PROX1: variants seen among roughly 807,000 people sequenced by gnomAD.
PROX1 encodes prospero homeobox 1, also known as prospero homeobox protein 1.
Under a neutral mutation model 58.8 loss-of-function variants are expected in PROX1, and 7 were observed. That is an observed-to-expected ratio of 0.12 (90% CI 0.07 to 0.22). The LOEUF is 0.22. Ranked by LOEUF, PROX1 falls within the 10% of genes least tolerant of loss-of-function variation. The pLI, the probability that PROX1 is intolerant of heterozygous loss-of-function variation, is 1.00. For synonymous variants in PROX1, 350 were observed against 358.3 expected (o/e 0.98, Z 0.26); for missense variants, 675 against 927.8 (o/e 0.73, Z 3.54).
At chr1:213,985,602 C>T (rs1483856596), upstream of PROX1, 2 of 152,268 alleles carry the variant, frequency 1.3e-5, no homozygotes, top group East Asian at 1.9e-4. Flanking sequence ...CTTCCTTGTT[C>T]GGCAAGCGGG....
chr1:214,005,528 A>ATG (rs1663678049), intron 3 of PROX1, among the ~76,000 whole-genome samples: 1 of 152,198 alleles, frequency 6.6e-6, no homozygotes, highest in Non-Finnish European at 1.5e-5. Flanking sequence ...CTGTCTTTAT[A>ATG]TGTTTGAGTA....
rs1051872792 is a variant in PROX1, at chr1:214,039,180, T to C, written c.*3346T>C. 2.6e-5 allele frequency: 4 copies of C among 152,226 alleles called. No individual in the cohort carries two copies. The highest frequency in any genetic ancestry group is 1.5e-5 in the Non-Finnish European group (1 of 68,042). The allele number at this position is 152,226 out of a possible 1,614,324, so 9.4% of individuals were successfully genotyped here. On this transcript the variant is annotated 3_prime_UTR_variant, in exon 5 of 5. Transcript: ENST00000366958. Reference sequence around the variant, plus strand: ...GATTTAAGAACCTATTTTAGACATTTGTTATGTTTTGTGAAAAGAATGTTC... The same window carrying C: ...GATTTAAGAACCTATTTTAGACATTCGTTATGTTTTGTGAAAAGAATGTTC...
Position 213,996,449 on chromosome 1 carries a change from C to T in PROX1, c.-67-20C>T. The T allele has an allele frequency of 6.9e-7, 1 of 1,447,012 alleles. No homozygotes were observed. The highest frequency in any genetic ancestry group is 1.4e-5 in the South Asian group (1 of 70,806). 89.6% of individuals were successfully genotyped at this position (1,447,012 alleles called of 1,614,324 possible). A position where few individuals can be genotyped will look rare whatever the true frequency, so the allele number is the denominator to read the frequency against. ...AATTTAAAGAAAATGATTCATCAGT[C>T]CTTTTGTTCTGTTGGCCAGGGTCCC... On this transcript the variant is annotated intron_variant, in intron 1 of 4. Coordinates refer to ENST00000366958, the MANE Select transcript of PROX1 (RefSeq NM_001270616.2).
At chr1:214,028,764 A>C (rs1033284728) in intron 4 of PROX1, 6 of 152,196 alleles carry the variant, frequency 3.9e-5, no homozygotes, top group African/African-American at 1.4e-4. Context: ...ATCCTGCACC[A>C]TTCCTTCTCT....
Position 214,011,493 on chromosome 1 carries a change from T to C in PROX1, c.1834-28T>C, listed in dbSNP as rs746957657. 5.1e-6 allele frequency: 8 copies of C among 1,579,894 alleles called. No individual in the cohort carries two copies. In the African/African-American group the frequency reaches 9.5e-5, roughly 19 times the overall value. Reference sequence around the variant, plus strand: ...TAAATGAAGAAAATGGCAATGTTCTTATCCTTTTCAACATTTAAATTTAAC... The same window carrying C: ...TAAATGAAGAAAATGGCAATGTTCTCATCCTTTTCAACATTTAAATTTAAC... On this transcript the variant is annotated intron_variant, in intron 3 of 4. Coordinates refer to ENST00000366958, the MANE Select transcript of PROX1 (RefSeq NM_001270616.2).
Position 214,017,642 on chromosome 1 carries a change from G to A in PROX1, c.2028+5927G>A, listed in dbSNP as rs192525964. ...TGAGAATAGAATTATACAAGGGCAG[G>A]CGCACACACAAAAAAATCTTTGCTT... On this transcript the variant is annotated intron_variant, in intron 4 of 4. Coordinates refer to ENST00000366958, the MANE Select transcript of PROX1 (RefSeq NM_001270616.2). 1.1e-3 allele frequency among the ~76,000 whole-genome samples: 172 copies of A among 151,668 alleles called. 1 individual carries two copies. Among genetic ancestry groups the A allele is most frequent in the African/African-American group, 4.0e-3 (167 of 41,368 alleles).
intron 1 of PROX1, among the ~76,000 whole-genome samples, chr1:213,994,750 AATATATATATATAT>A (rs66460564): frequency 0.016 from 1,430 of 88,170 alleles, 35 homozygotes; most frequent in Non-Finnish European, 0.024. Context: ...CAAGCATGCA[AATATATATATATAT>A]ATATATATAT....
Position 213,998,209 on chromosome 1 carries a change from G to A in PROX1, c.1674G>A (p.Glu558=). 1 of 1,604,662 alleles carries A rather than the reference G, an allele frequency of 6.2e-7. No individual in the cohort carries two copies. The highest frequency in any genetic ancestry group is 1.1e-5 in the South Asian group (1 of 90,172). ...TCTCCTTGTCGCTCATAAAGTCCGA[G>A]TGCGGCGATCTTCAAGATATGTCTG... ...EGLSLSLIKS[E]CGDLQDMSEI... is the part of the protein sequence containing the mutation. Residue 558 remains glutamate, a synonymous_variant, in exon 2 of 5, where the codon GAG becomes GAA. Transcript: ENST00000366958.
intron 3 of PROX1, among the ~76,000 whole-genome samples, chr1:214,008,683 C>T (rs940512664): frequency 2.3e-4 from 35 of 152,054 alleles, no homozygotes; most frequent in African/African-American, 8.2e-4. Context: ...TACCTTGGAA[C>T]GAAAGAGGTA....
intron 4 of PROX1, among the ~76,000 whole-genome samples, chr1:214,025,404 A>T (rs1042614233): frequency 2.6e-5 from 4 of 152,250 alleles, no homozygotes; most frequent in African/African-American, 9.6e-5. Flanking sequence ...GGGCTGGCAA[A>T]GTATGGCCTA....
At chr1:214,016,235 A>G (rs1664090217) in intron 4 of PROX1, among the ~76,000 whole-genome samples, 1 of 152,054 alleles carries the variant, frequency 6.6e-6, no homozygotes, top group Admixed American at 6.6e-5. Flanking sequence ...TAATACATAC[A>G]CACTTGCTGA....
chr1:213,998,305 G>C (rs750501690), intron 2 of PROX1, 45 bp downstream of exon 2: 2 of 1,511,910 alleles, frequency 1.3e-6, no homozygotes, highest in Admixed American at 2.2e-5. Flanking sequence ...ACCAAAAAAG[G>C]TTTCCCAAAA....
At chr1:213,985,318 G>A (rs1162914200), upstream of PROX1, 1 of 152,262 alleles carries the variant, frequency 6.6e-6, no homozygotes, top group Non-Finnish European at 1.5e-5. Context: ...TCTTGTCCAG[G>A]GCAGCCCGAG....
chr1:213,999,763 C>T (rs1663424807), intron 2 of PROX1, among the ~76,000 whole-genome samples: 1 of 152,126 alleles, frequency 6.6e-6, no homozygotes. Flanking sequence ...ATCCACCAGC[C>T]ATGAATCAAA....
At chr1:214,031,070 C>T (rs956033490) in intron 4 of PROX1, among the ~76,000 whole-genome samples, 9 of 144,988 alleles carry the variant, frequency 6.2e-5, no homozygotes, top group East Asian at 2.0e-4. Context: ...TGTGTGTGCG[C>T]GCGCGCGCAT....
At position 214,035,981 on chromosome 1, in the gene PROX1, C is replaced by A; in HGVS notation, c.*147C>A. The A allele has an allele frequency of 1.6e-6, 1 of 617,896 alleles. No homozygotes were observed. Among genetic ancestry groups the A allele is most frequent in the Non-Finnish European group, 2.5e-6 (1 of 404,460 alleles). The allele number at this position is 617,896 out of a possible 1,614,324, so 38.3% of individuals were successfully genotyped here. On this transcript the variant is annotated 3_prime_UTR_variant, in exon 5 of 5. Coordinates refer to ENST00000366958, the MANE Select transcript of PROX1 (RefSeq NM_001270616.2). ...ATCAGCTGGTAATTCCTCCTCATCACGTTTCTCTCATTTTCTTTTGTTTTC... is the reference window on the plus strand; with the variant it reads ...ATCAGCTGGTAATTCCTCCTCATCAAGTTTCTCTCATTTTCTTTTGTTTTC...
At chr1:214,010,163 A>T (rs1663858144) in intron 3 of PROX1, among the ~76,000 whole-genome samples, 1 of 152,076 alleles carries the variant, frequency 6.6e-6, no homozygotes, top group South Asian at 2.1e-4. Flanking sequence ...GGTTAAGTAC[A>T]TGTTTGAACT....
At chr1:214,035,288 C>T (rs2102787281) in intron 4 of PROX1, among the ~76,000 whole-genome samples, 1 of 152,234 alleles carries the variant, frequency 6.6e-6, no homozygotes, top group South Asian at 2.1e-4. Flanking sequence ...AAATAGGATT[C>T]AAATTCTGAA....
At chr1:214,010,395 C>T (rs540213843) in intron 3 of PROX1, among the ~76,000 whole-genome samples, 8 of 152,248 alleles carry the variant, frequency 5.3e-5, no homozygotes, top group African/African-American at 1.9e-4. Context: ...GTAATTAGAG[C>T]CCCAATACAC....
Sources: gnomAD v4.1 joint callset for allele counts (sites outside exome capture counted in the v4.1 genomes callset) on GRCh38, gnomAD v4.1.1 for gene constraint, MANE v1.5 for transcripts, NCBI Gene and HGNC (gene_info 2026-07-23, HGNC 2026-07-21) for gene names.